Variants in FAT2 observed in about 807,000 individuals in gnomAD.
The protein encoded by FAT2 is FAT atypical cadherin 2, also known as protocadherin Fat 2.
In FAT2, 150 loss-of-function variants were observed where a neutral mutation model predicts 295.3. The observed-to-expected ratio is 0.51, with a 90% CI of 0.44 to 0.58. The LOEUF (loss-of-function observed/expected upper bound fraction) is 0.58. FAT2 is among the 20% of genes least tolerant of loss of function. The pLI is 0.00. For missense variants in FAT2, 4,868 were observed against 5,442.7 expected, an observed-to-expected ratio of 0.89 and a Z score of 3.32; for synonymous variants, 2,026 against 2,150.3, an observed-to-expected ratio of 0.94 and a Z score of 1.60.
chr5:151,517,899 T>C, intron 19 of FAT2, 134 bp from the exon 20 acceptor site: 1 of 1,117,348 alleles, frequency 8.9e-7, no homozygotes, highest in Non-Finnish European at 1.3e-6. Context: ...GAAACTAGGC[T>C]GGGTGTGGGG....
chr5:151,580,853 G>A (rs1315163375), intron 1 of FAT2, among the ~76,000 whole-genome samples: 2 of 152,186 alleles, frequency 1.3e-5, no homozygotes, highest in East Asian at 3.8e-4. Context: ...ACATGTTGGG[G>A]TGACCACTCT....
intron 2 of FAT2, 60 bp from the exon 3 acceptor site, chr5:151,563,699 C>T (rs2127642688): frequency 7.1e-7 from 1 of 1,411,056 alleles, no homozygotes. Flanking sequence ...CTTTAGAAAT[C>T]ACCCTTACCC....
Position 151,546,165 on chromosome 5 carries a change from A to G in FAT2, c.4962T>C (p.Asp1654=), listed in dbSNP as rs923533219. 3 of 1,614,168 alleles carry G rather than the reference A, an allele frequency of 1.9e-6. No individual in the cohort carries two copies. Among genetic ancestry groups the G allele is most frequent in the Non-Finnish European group, 2.5e-6 (3 of 1,180,024 alleles). Residue 1654 remains aspartate (D), a synonymous_variant, in exon 10 of 24, where the codon GAT becomes GAC. Transcript: ENST00000261800. ...ATVIIHVYPS[D]RSAPIFSKSE... is the part of the protein sequence containing the mutation. ...ATTTTGAAAAGATGGGGGCACTCCTATCTGAGGGATAGACATGAATGATCA... is the reference window on the plus strand; with the variant it reads ...ATTTTGAAAAGATGGGGGCACTCCTGTCTGAGGGATAGACATGAATGATCA...
upstream of FAT2, among the ~76,000 whole-genome samples, chr5:151,592,912 T>C (rs1232189516): frequency 6.6e-6 from 1 of 152,192 alleles, no homozygotes; most frequent in Non-Finnish European, 1.5e-5. Flanking sequence ...CTCAGTGAGA[T>C]GTTTATGCAG....
intron 22 of FAT2, among the ~76,000 whole-genome samples, chr5:151,508,457 C>A (rs1268212677): frequency 6.6e-6 from 1 of 152,154 alleles, no homozygotes; most frequent in Non-Finnish European, 1.5e-5. Flanking sequence ...TGCCTGTAAT[C>A]CCAGCACTTT....
At chr5:151,550,462 A>C in intron 8 of FAT2, 128 bp downstream of exon 8, 2 of 1,089,638 alleles carry the variant, frequency 1.8e-6, no homozygotes, top group Non-Finnish European at 2.6e-6. Flanking sequence ...CAGCTGTGAA[A>C]TGTCACAACT....
At position 151,566,701 on chromosome 5, in the gene FAT2, G is replaced by C. The variant is rs776908771; in HGVS notation, c.2231C>G (p.Ala744Gly). Reference sequence around the variant, plus strand: ...ATAGACCAGTTTGCCATTAAAACCAGCATCAGGGTCAGTGGCTGCTAGGCG... The same window carrying C: ...ATAGACCAGTTTGCCATTAAAACCACCATCAGGGTCAGTGGCTGCTAGGCG... ...LARLAATDPDAGFNGKLVYVI... is the reference protein window; with the variant it reads ...LARLAATDPDGGFNGKLVYVI... The change falls in exon 2 of 24, where the codon GCT (alanine) becomes GGT (glycine). Residue 744 changes from alanine (A) to glycine (G), a missense_variant. By Grantham distance (60) the Ala-to-Gly change is moderately conservative. This residue lies in a region of FAT2 where 3,297 missense variants were observed against 3,669.4 expected (regional missense o/e 0.90). Transcript: ENST00000261800. 6.2e-7 allele frequency: 1 copy of C among 1,614,146 alleles called. No homozygotes were observed. The highest frequency in any genetic ancestry group is 8.5e-7 in the Non-Finnish European group (1 of 1,180,026).
Position 151,544,631 on chromosome 5 carries a change from T to C in FAT2, c.6496A>G (p.Lys2166Glu). 1 of 1,614,178 alleles carries C rather than the reference T, an allele frequency of 6.2e-7. No individual in the cohort carries two copies. The highest frequency in any genetic ancestry group is 8.5e-7 in the Non-Finnish European group (1 of 1,180,044). ...GGACTCTGAAACAGTGGGTTGGATT[T>C]ATTTCTCACAGTGACAAGTACCTCT... Reference protein sequence around the residue: ...EEEVLVTVRNKSNPLFQSPYY... With the variant: ...EEEVLVTVRNESNPLFQSPYY... The change falls in exon 10 of 24, where the codon AAA becomes GAA. Residue 2166 changes from lysine (K) to glutamate (E), a missense_variant. Lys to Glu is a moderately conservative substitution (Grantham distance 56). Coordinates refer to ENST00000261800, the MANE Select transcript of FAT2 (RefSeq NM_001447.3).
chr5:151,541,157 G>A (rs1433840987), intron 10 of FAT2, among the ~76,000 whole-genome samples: 3 of 152,176 alleles, frequency 2.0e-5, no homozygotes, highest in Admixed American at 6.5e-5. Context: ...ACACTCCAAG[G>A]TTTTATTTTA....
Position 151,534,569 on chromosome 5 carries a change from A to C in FAT2, c.9267T>G (p.Asp3089Glu). ...CTGCCTGGCACGATCGGCCACCTCC[A>C]TCCGTCGCCTTGGCAACAAGGTTGA... ...DVFNLVAKAT[D>E]GGGRSCQADI... Residue 3089 changes from aspartate to glutamate, a missense_variant, in exon 13 of 24, where the codon GAT (aspartate) becomes GAG (glutamate). Around this residue, in one of 5 missense-constraint regions of FAT2, gnomAD observed 1,046 missense variants for 1,210.1 expected, o/e 0.86. Coordinates refer to ENST00000261800, the MANE Select transcript of FAT2 (RefSeq NM_001447.3). 3.7e-6 allele frequency: 6 copies of C among 1,613,908 alleles called. No homozygotes were observed. The highest frequency in any genetic ancestry group is 5.1e-6 in the Non-Finnish European group (6 of 1,179,940).
chr5:151,527,158 C>A (rs1307522553), intron 17 of FAT2, 76 bp downstream of exon 17: 19 of 1,431,192 alleles, frequency 1.3e-5, no homozygotes, highest in Admixed American at 7.9e-5. Flanking sequence ...TGGACTAATG[C>A]CACTGAGGGG....
At chr5:151,551,329 A>T in intron 7 of FAT2, 138 bp downstream of exon 7, 1 of 876,044 alleles carries the variant, frequency 1.1e-6, no homozygotes. Flanking sequence ...TAGAGAGTGT[A>T]TTAGACAAGA....
Position 151,528,149 on chromosome 5 carries a change from G to T in FAT2, c.10027-16C>A, listed in dbSNP as rs771245811. ...TCGCTGATACCTGCGGTGGGGTAGGGGGATTGTGAATGGAGGGACAGGAAT... is the reference window on the plus strand; with the variant it reads ...TCGCTGATACCTGCGGTGGGGTAGGTGGATTGTGAATGGAGGGACAGGAAT... On this transcript the variant is annotated splice_polypyrimidine_tract_variant and intron_variant, in intron 15 of 23. Transcript: ENST00000261800. The T allele has an allele frequency of 1.2e-6, 2 of 1,612,212 alleles. No homozygotes were observed. Among genetic ancestry groups the T allele is most frequent in the East Asian group, 4.5e-5 (2 of 44,844 alleles).
Position 151,540,574 on chromosome 5 carries a change from C to T in FAT2, c.9032G>A (p.Cys3011Tyr), listed in dbSNP as rs2127602189. ...CCCTCGCCAGGCTCTCACCTGTGAA[C>T]ACTGTGGGCTGTTATCATTGACGTC... ...VLDVNDNSPQ[C>Y]SQLLYTGKVH... The change falls in exon 11 of 24, where the codon TGT becomes TAT. Residue 3011 changes from cysteine (C) to tyrosine (Y), a missense_variant. Coordinates refer to ENST00000261800, the MANE Select transcript of FAT2 (RefSeq NM_001447.3). The T allele has an allele frequency of 6.2e-7, 1 of 1,612,616 alleles. No individual in the cohort carries two copies. The highest frequency in any genetic ancestry group is 8.5e-7 in the Non-Finnish European group (1 of 1,179,164).
chr5:151,594,179 C>T (rs754633352), upstream of FAT2, among the ~76,000 whole-genome samples: 14 of 152,188 alleles, frequency 9.2e-5, no homozygotes, highest in Non-Finnish European at 1.6e-4. Context: ...CTGGTCTAGA[C>T]TCAGCTAAGA....
Position 151,544,893 on chromosome 5 carries a change from G to A in FAT2, c.6234C>T (p.Ile2078=), listed in dbSNP as rs1202857083. 1 of 1,614,168 alleles carries A rather than the reference G, an allele frequency of 6.2e-7. No individual in the cohort carries two copies. The highest frequency in any genetic ancestry group is 2.2e-5 in the East Asian group (1 of 44,876). ...CCCCTGGCTCTGTGCCATCTTGGAT[G>A]ATTGTGTAATAGGGCAGATGCTTAA... The part of the protein sequence containing the change: ...PKFKHLPYYT[I]IQDGTEPGDV... The change falls in exon 10 of 24, where the codon ATC becomes ATT. Residue 2078 remains isoleucine (I), a synonymous_variant. Transcript: ENST00000261800.
rs200040329 is a variant in FAT2 at position 151,543,988 on chromosome 5, C to G, written c.7139G>C (p.Arg2380Thr). The change falls in exon 10 of 24, where the codon AGA becomes ACA. Residue 2380 changes from arginine (R) to threonine (T), a missense_variant. Physicochemically the swap from Arg to Thr is moderately conservative, Grantham distance 71. Around this residue, in one of 5 missense-constraint regions of FAT2, gnomAD observed 3,297 missense variants for 3,669.4 expected, o/e 0.90. Coordinates refer to ENST00000261800, the MANE Select transcript of FAT2 (RefSeq NM_001447.3). Reference protein sequence around the residue: ...SDINDNPPEFRQPQYEANVSE... With the variant: ...SDINDNPPEFTQPQYEANVSE... ...GACATTGGCTTCATATTGAGGTTGT[C>G]TGAACTCTGGGGGGTTGTCATTGAT... The G allele has an allele frequency of 6.2e-7, 1 of 1,613,896 alleles. No homozygotes were observed. Among genetic ancestry groups the G allele is most frequent in the Admixed American group, 1.7e-5 (1 of 59,992 alleles).
upstream of FAT2, among the ~76,000 whole-genome samples, chr5:151,592,842 T>C (rs1759465590): frequency 6.6e-6 from 1 of 152,162 alleles, no homozygotes; most frequent in African/African-American, 2.4e-5. Context: ...AGTGAAACCA[T>C]GAAGGTTCTG....
intron 1 of FAT2, among the ~76,000 whole-genome samples, chr5:151,572,568 C>T (rs566518269): frequency 1.3e-5 from 2 of 152,326 alleles, no homozygotes; most frequent in African/African-American, 2.4e-5. Flanking sequence ...TATTCCTGAA[C>T]CTCAGCTTTT....
Sources: gnomAD v4.1 joint callset for allele counts (sites outside exome capture counted in the v4.1 genomes callset) on GRCh38, gnomAD v4.1.1 for gene constraint, gnomAD v4.1.1 regional missense constraint, MANE v1.5 for transcripts, NCBI Gene and HGNC (gene_info 2026-07-23, HGNC 2026-07-21) for gene names.